The following MAST4 variants were observed in gnomAD, a reference collection of about 807,000 sequenced individuals.
MAST4 encodes microtubule-associated serine/threonine-protein kinase 4.
In MAST4, 89 loss-of-function variants were observed where a neutral mutation model predicts 162.7. The observed-to-expected ratio is 0.55, with a 90% CI of 0.46 to 0.65. MAST4 has a LOEUF of 0.65. MAST4 is among the 30% of genes least tolerant of loss of function. MAST4 has a pLI of 0.00. For synonymous variants in MAST4, 1,479 were observed against 1,361.1 expected, an observed-to-expected ratio of 1.09 and a Z score of -1.91; for missense variants, 3,153 against 3,374.0, an observed-to-expected ratio of 0.93 and a Z score of 1.62.
intron 3 of MAST4, among the ~76,000 whole-genome samples, chr5:66,886,607 C>A (rs1051540368): frequency 1.3e-5 from 2 of 150,972 alleles, no homozygotes; most frequent in Non-Finnish European, 2.9e-5. Flanking sequence ...TTTGATGTAT[C>A]CAAGGCAGTC....
At chr5:67,090,472 C>T (rs1258819344) in intron 6 of MAST4, among the ~76,000 whole-genome samples, 1 of 128,914 alleles carries the variant, frequency 7.8e-6, no homozygotes, top group African/African-American at 3.0e-5. Context: ...GCTTCTCCCC[C>T]TCCCCTGCTC....
At chr5:66,940,018 G>T (rs1445668253) in intron 4 of MAST4, among the ~76,000 whole-genome samples, 1 of 151,954 alleles carries the variant, frequency 6.6e-6, no homozygotes, top group East Asian at 1.9e-4. Flanking sequence ...AGTGAGTTAT[G>T]ATCATGCTCC....
intron 1 of MAST4, among the ~76,000 whole-genome samples, chr5:66,729,028 C>A (rs1470990471): frequency 1.3e-5 from 2 of 152,154 alleles, no homozygotes; most frequent in East Asian, 3.8e-4. Context: ...AAACAAAATA[C>A]TGTATTCTCA....
chr5:67,047,268 C>T lies in MAST4; in HGVS notation c.675-7136C>T, dbSNP rs2150518407. 2.0e-5 allele frequency among the ~76,000 whole-genome samples: 3 copies of T among 152,324 alleles called. 1 individual carries two copies. Among genetic ancestry groups the T allele is most frequent in the Admixed American group, 2.0e-4 (3 of 15,304 alleles). On this transcript the variant is annotated intron_variant, in intron 4 of 28. Transcript: ENST00000403625. ...AACAGCTTCCCTTGTCACTCAGGGACCAGACTCTGCACTGTGGCCTGCAGG... is the reference window on the plus strand; with the variant it reads ...AACAGCTTCCCTTGTCACTCAGGGATCAGACTCTGCACTGTGGCCTGCAGG...
chr5:67,145,336 G>A lies in MAST4; in HGVS notation c.3051G>A (p.Glu1017=), dbSNP rs1224654970. Residue 1017 remains glutamate (E), a synonymous_variant, in exon 23 of 29, where the codon GAG becomes GAA. Coordinates refer to ENST00000403625, the MANE Select transcript of MAST4 (RefSeq NM_001164664.2). ...AAGAGTGTGCCCAGGAGGAGCCTGA[G>A]GTCACCACCCCAGCCAGCACCATCA... ...PPEECAQEEP[E]VTTPASTISS... is the part of the protein sequence containing the mutation. 1 of 1,613,292 alleles carries A rather than the reference G, an allele frequency of 6.2e-7. No individual in the cohort carries two copies. The highest frequency in any genetic ancestry group is 1.7e-5 in the Admixed American group (1 of 60,018).
At chr5:66,892,659 T>G (rs183572564) in intron 3 of MAST4, among the ~76,000 whole-genome samples, 1 of 152,150 alleles carries the variant, frequency 6.6e-6, no homozygotes, top group East Asian at 1.9e-4. Flanking sequence ...CTCTTTATTA[T>G]CAGTACCAGC....
At chr5:66,704,978 T>A (rs1053368401) in intron 1 of MAST4, among the ~76,000 whole-genome samples, 6 of 151,780 alleles carry the variant, frequency 4.0e-5, no homozygotes, top group African/African-American at 1.5e-4. Context: ...AGCAGGAGAG[T>A]TTTTGTTCTT....
At chr5:67,118,774 T>C (rs1415728134) in intron 13 of MAST4, 25 bp downstream of exon 13, 2 of 1,409,372 alleles carry the variant, frequency 1.4e-6, no homozygotes, top group Non-Finnish European at 9.8e-7. Context: ...TGATGAAATA[T>C]GATGTTGGTT....
chr5:66,927,816 G>T (rs900746786), intron 4 of MAST4, among the ~76,000 whole-genome samples: 5 of 152,182 alleles, frequency 3.3e-5, no homozygotes, highest in African/African-American at 1.2e-4. Context: ...CATTCCAGAA[G>T]CTAGAAATCC....
intron 3 of MAST4, among the ~76,000 whole-genome samples, chr5:66,853,878 T>C (rs1255476511): frequency 3.3e-5 from 5 of 152,138 alleles, no homozygotes; most frequent in Admixed American, 2.0e-4. Context: ...TGCATTTAAT[T>C]TAGCAAAGCT....
At chr5:66,843,035 A>T (rs926637279) in intron 3 of MAST4, among the ~76,000 whole-genome samples, 4 of 152,176 alleles carry the variant, frequency 2.6e-5, no homozygotes, top group African/African-American at 9.7e-5. Flanking sequence ...GTGTGTCTGT[A>T]TATATACATT....
chr5:66,712,880 C>T (rs1017093063), intron 1 of MAST4, among the ~76,000 whole-genome samples: 19 of 152,156 alleles, frequency 1.2e-4, no homozygotes, highest in African/African-American at 3.6e-4. Context: ...GAAACCTATA[C>T]GTTAGGGAAA....
At chr5:66,942,118 A>G (rs980750769) in intron 4 of MAST4, among the ~76,000 whole-genome samples, 1 of 152,144 alleles carries the variant, frequency 6.6e-6, no homozygotes, top group Admixed American at 6.6e-5. Flanking sequence ...AAGTGAGTAC[A>G]TGCTGTTGGA....
At chr5:67,071,116 C>T (rs1760925180) in intron 5 of MAST4, among the ~76,000 whole-genome samples, 1 of 152,078 alleles carries the variant, frequency 6.6e-6, no homozygotes, top group African/African-American at 2.4e-5. Context: ...TCATTGAAGA[C>T]TTTGATAAGT....
At chr5:66,987,248 G>A (rs550912473) in intron 4 of MAST4, among the ~76,000 whole-genome samples, 2 of 152,122 alleles carry the variant, frequency 1.3e-5, no homozygotes, top group East Asian at 3.9e-4. Context: ...CTTTACAGAC[G>A]AAAAAGGAGT....
chr5:66,888,878 T>C (rs886723703), intron 3 of MAST4, among the ~76,000 whole-genome samples: 2 of 152,222 alleles, frequency 1.3e-5, no homozygotes, highest in African/African-American at 4.8e-5. Flanking sequence ...TTCCACATCA[T>C]TGATATTCAC....
intron 3 of MAST4, among the ~76,000 whole-genome samples, chr5:66,814,522 A>G (rs2051891365): frequency 1.3e-5 from 2 of 152,184 alleles, no homozygotes; most frequent in African/African-American, 2.4e-5. Context: ...TTCTCATTAG[A>G]TGATCCTCTG....
At chr5:66,720,065 G>T (rs1751098245) in intron 1 of MAST4, among the ~76,000 whole-genome samples, 1 of 152,164 alleles carries the variant, frequency 6.6e-6, no homozygotes, top group South Asian at 2.1e-4. Context: ...TATTTCTGAG[G>T]TTAACGCAAA....
intron 4 of MAST4, among the ~76,000 whole-genome samples, chr5:67,037,381 T>C (rs1756151697): frequency 6.6e-6 from 1 of 152,162 alleles, no homozygotes; most frequent in Non-Finnish European, 1.5e-5. Flanking sequence ...CTCTAGACTT[T>C]GTCATCATTT....
Sources: allele counts gnomAD v4.1 joint callset (sites outside exome capture counted in the v4.1 genomes callset), GRCh38; gene constraint gnomAD v4.1.1; transcripts MANE v1.5; gene names NCBI Gene and HGNC (gene_info 2026-07-23, HGNC 2026-07-21).